Variants in DPP10 observed in about 807,000 individuals in gnomAD.
The protein encoded by DPP10 is inactive dipeptidyl peptidase 10.
A neutral mutation model predicts 120.9 loss-of-function variants in DPP10; 33 were observed. The observed-to-expected ratio is 0.27, with a 90% confidence interval of 0.21 to 0.37. The LOEUF (loss-of-function observed/expected upper bound fraction) is 0.37, where lower values mean the gene tolerates loss of function less well. DPP10 is among the 10% of genes least tolerant of loss of function. The pLI is 1.00. For missense variants in DPP10, 816 were observed against 942.8 expected (o/e 0.87, Z 1.76); for synonymous variants, 337 against 326.1 (o/e 1.03, Z -0.36).
intron 1 of DPP10, among the ~76,000 whole-genome samples, chr2:114,475,701 CA>C (rs375630520): frequency 3.9e-5 from 6 of 152,160 alleles, no homozygotes; most frequent in African/African-American, 1.4e-4. Flanking sequence ...TAAAGAATCA[CA>C]GTTTTATACA....
At chr2:114,837,334 G>A (rs55845557) in intron 1 of DPP10, among the ~76,000 whole-genome samples, 1,680 of 152,180 alleles carry the variant, frequency 0.011, 35 homozygotes, top group African/African-American at 0.038. Context: ...CGGTCCCTCC[G>A]TTCCGGGTCC....
chr2:114,630,726 T>C (rs1315820496), intron 1 of DPP10, among the ~76,000 whole-genome samples: 1 of 152,130 alleles, frequency 6.6e-6, no homozygotes, highest in East Asian at 1.9e-4. Context: ...CTCTGATCTA[T>C]AGAAGGGATT....
chr2:114,659,547 A>C (rs1161372169), intron 1 of DPP10, among the ~76,000 whole-genome samples: 1 of 152,062 alleles, frequency 6.6e-6, no homozygotes, highest in Non-Finnish European at 1.5e-5. Context: ...AGTTTGCCAA[A>C]TATTTGATTT....
chr2:115,620,017 A>C (rs1048723562), intron 5 of DPP10, among the ~76,000 whole-genome samples: 9 of 152,192 alleles, frequency 5.9e-5, no homozygotes, highest in Middle Eastern at 3.2e-3. Flanking sequence ...TTTCATACGT[A>C]GTATGTTGGA....
At chr2:114,650,742 G>A (rs943147871) in intron 1 of DPP10, among the ~76,000 whole-genome samples, 2 of 152,018 alleles carry the variant, frequency 1.3e-5, no homozygotes, top group Admixed American at 6.6e-5. Flanking sequence ...CTATCAATCC[G>A]CTCCCTCTAA....
intron 1 of DPP10, among the ~76,000 whole-genome samples, chr2:115,163,468 C>A (rs1041688247): frequency 1.3e-5 from 2 of 152,142 alleles, no homozygotes; most frequent in African/African-American, 4.8e-5. Context: ...CATTTGTTTT[C>A]TTAAACGATC....
intron 3 of DPP10, among the ~76,000 whole-genome samples, chr2:115,471,474 C>T (rs2074711877): frequency 6.6e-6 from 1 of 152,192 alleles, no homozygotes; most frequent in Admixed American, 6.5e-5. Context: ...TTACCTTGCT[C>T]TCTGGTCTCT....
intron 1 of DPP10, among the ~76,000 whole-genome samples, chr2:114,649,367 G>C (rs1358434663): frequency 7.0e-6 from 1 of 142,448 alleles, no homozygotes; most frequent in African/African-American, 2.6e-5. Context: ...TTTTTTTTTT[G>C]AGATGGAGTC....
chr2:114,967,061 A>G (rs1180841485), intron 1 of DPP10, among the ~76,000 whole-genome samples: 1 of 152,110 alleles, frequency 6.6e-6, no homozygotes, highest in Non-Finnish European at 1.5e-5. Context: ...AAAACAAACA[A>G]ACAAAAAAAG....
chr2:115,248,998 C>G (rs1203052405), intron 1 of DPP10, among the ~76,000 whole-genome samples: 3 of 152,054 alleles, frequency 2.0e-5, no homozygotes, highest in Non-Finnish European at 4.4e-5. Flanking sequence ...TTTTCCAAAT[C>G]TTATTGAAGT....
At position 115,350,528 on chromosome 2, in the gene DPP10, G is replaced by C. The variant is rs373186269; in HGVS notation, c.271+6616G>C. ...GGTTACTAAAATTCTCATTATGGTA[G>C]ATGCATTCAGCTAGACAAATATTAA... On this transcript the variant is annotated intron_variant, in intron 3 of 25. Coordinates refer to ENST00000410059, the MANE Select transcript of DPP10 (RefSeq NM_020868.6). Among the ~76,000 whole-genome samples the C allele has an allele frequency of 1.8e-4, 28 of 152,176 alleles. No individual in the cohort carries two copies. In the East Asian group the frequency reaches 4.8e-3, roughly 26 times the overall value.
chr2:115,684,697 C>A (rs910647180), intron 5 of DPP10, among the ~76,000 whole-genome samples: 2 of 151,904 alleles, frequency 1.3e-5, no homozygotes, highest in Non-Finnish European at 2.9e-5. Flanking sequence ...TACTGGGATA[C>A]ACTGCTCTTT....
At chr2:115,066,198 T>TTA (rs1706821355) in intron 1 of DPP10, among the ~76,000 whole-genome samples, 1 of 152,164 alleles carries the variant, frequency 6.6e-6, no homozygotes, top group African/African-American at 2.4e-5. Flanking sequence ...CTTATTCATT[T>TTA]TATATATATG....
chr2:114,588,710 T>C (rs1291303836), intron 1 of DPP10, among the ~76,000 whole-genome samples: 2 of 152,182 alleles, frequency 1.3e-5, no homozygotes, highest in African/African-American at 4.8e-5. Flanking sequence ...ATTTTTTTCC[T>C]ATATAAAGGG....
chr2:114,766,764 A>G (rs1220730564), intron 1 of DPP10, among the ~76,000 whole-genome samples: 1 of 152,182 alleles, frequency 6.6e-6, no homozygotes, highest in East Asian at 1.9e-4. Context: ...GAACAAATTA[A>G]TAGTTGCCAG....
At chr2:114,651,018 C>T (rs1034769011) in intron 1 of DPP10, among the ~76,000 whole-genome samples, 1 of 152,078 alleles carries the variant, frequency 6.6e-6, no homozygotes, top group Non-Finnish European at 1.5e-5. Context: ...ATTCAAGCTC[C>T]TTCATAGTTT....
chr2:115,570,266 A>G (rs2081262772), intron 5 of DPP10, among the ~76,000 whole-genome samples: 1 of 152,200 alleles, frequency 6.6e-6, no homozygotes, highest in African/African-American at 2.4e-5. Context: ...GCAGAGCCCA[A>G]ATAAGCAGAA....
intron 1 of DPP10, among the ~76,000 whole-genome samples, chr2:114,798,212 G>A (rs1330080656): frequency 1.3e-5 from 2 of 152,048 alleles, no homozygotes; most frequent in South Asian, 4.2e-4. Flanking sequence ...GGTGGGGTGG[G>A]GAGCATTCAT....
At chr2:115,713,519 T>C (rs2092396740) in intron 7 of DPP10, among the ~76,000 whole-genome samples, 1 of 152,198 alleles carries the variant, frequency 6.6e-6, no homozygotes, top group Admixed American at 6.5e-5. Flanking sequence ...TGTGATATTG[T>C]CTGTGTGAGG....
Sources: allele counts gnomAD v4.1 joint callset (sites outside exome capture counted in the v4.1 genomes callset), GRCh38; gene constraint gnomAD v4.1.1; transcripts MANE v1.5; gene names NCBI Gene and HGNC (gene_info 2026-07-23, HGNC 2026-07-21).